TESMIN: variants seen among roughly 807,000 people sequenced by gnomAD.
TESMIN encodes testis expressed metallothionein like protein.
In TESMIN, 34 loss-of-function variants were observed where a neutral mutation model predicts 47.4. The observed-to-expected ratio is 0.72, with a 90% CI of 0.55 to 0.96. The LOEUF (loss-of-function observed/expected upper bound fraction) is 0.96. Ranked by LOEUF, TESMIN falls within the 40% of genes least tolerant of loss-of-function variation. TESMIN has a pLI of 0.00. For missense variants in TESMIN, 610 were observed against 637.2 expected, an observed-to-expected ratio of 0.96 and a Z score of 0.46; for synonymous variants, 278 against 258.9, an observed-to-expected ratio of 1.07 and a Z score of -0.71.
chr11:68,750,506 G>C lies in TESMIN; in HGVS notation c.155C>G (p.Ala52Gly), dbSNP rs759397722. The change falls in exon 2 of 10, where the codon GCG becomes GGG. Residue 52 changes from alanine to glycine, a missense_variant. Transcript: ENST00000255087. ...EEDEFHVFKE[A>G]YLGPADPKEP... ...CTTGGGGTCCGCCGGGCCCAGGTACGCTTCTTTGAAGACGTGGAACTCGTC... is the reference window on the plus strand; with the variant it reads ...CTTGGGGTCCGCCGGGCCCAGGTACCCTTCTTTGAAGACGTGGAACTCGTC... 9 of 1,603,722 alleles carry C rather than the reference G, an allele frequency of 5.6e-6. No homozygotes were observed. In the East Asian group the frequency reaches 2.0e-4, roughly 36 times the overall value.
intron 7 of TESMIN, 80 bp from the exon 8 acceptor site, chr11:68,713,487 C>CT: frequency 6.6e-7 from 1 of 1,511,828 alleles, no homozygotes; most frequent in Non-Finnish European, 9.1e-7. Context: ...TCATTTGAAT[C>CT]TGATTGTTGT....
At position 68,712,772 on chromosome 11, in the gene TESMIN, G is replaced by T. The variant is rs560675638; in HGVS notation, c.1158+498C>A. On this transcript the variant is annotated intron_variant, in intron 8 of 9. Transcript: ENST00000255087. ...ATTCTGGTCTCTGATGGGGCTGTGA[G>T]CCAGGGAGGAGCTACCCTTGGTCAA... 2.6e-5 allele frequency among the ~76,000 whole-genome samples: 4 copies of T among 152,362 alleles called. No homozygotes were observed. The South Asian group carries it at 8.3e-4, about 32-fold the overall frequency.
At chr11:68,747,175 G>A (rs1426729942) in intron 3 of TESMIN, 33 bp downstream of exon 3, 1 of 1,600,148 alleles carries the variant, frequency 6.2e-7, no homozygotes, top group Admixed American at 1.7e-5. Flanking sequence ...TTAGTATAAT[G>A]TTAGTCCTAC....
intron 6 of TESMIN, among the ~76,000 whole-genome samples, chr11:68,728,635 G>A (rs1946292443): frequency 6.6e-6 from 1 of 152,250 alleles, no homozygotes; most frequent in Non-Finnish European, 1.5e-5. Flanking sequence ...TGCAGCTAGA[G>A]AAGAGAAGTC....
intron 6 of TESMIN, among the ~76,000 whole-genome samples, chr11:68,716,250 G>A (rs1380103528): frequency 7.2e-5 from 11 of 152,164 alleles, no homozygotes; most frequent in Admixed American, 2.0e-4. Context: ...ATTGCCCTCC[G>A]CCATTTTCCC....
chr11:68,716,484 C>T (rs889150134), intron 6 of TESMIN, among the ~76,000 whole-genome samples: 3 of 152,202 alleles, frequency 2.0e-5, no homozygotes, highest in African/African-American at 4.8e-5. Flanking sequence ...ATGGATGAGG[C>T]GGCTGCAGTC....
At chr11:68,720,737 A>T (rs1946195091) in intron 6 of TESMIN, among the ~76,000 whole-genome samples, 1 of 152,086 alleles carries the variant, frequency 6.6e-6, no homozygotes, top group African/African-American at 2.4e-5. Flanking sequence ...CCCACATCCA[A>T]GGGTTGCCAA....
chr11:68,713,529 C>T, intron 7 of TESMIN, 122 bp from the exon 8 acceptor site: 1 of 1,154,958 alleles, frequency 8.7e-7, no homozygotes, highest in Non-Finnish European at 1.2e-6. Context: ...AGTCTCTTGA[C>T]ATGGTTCAGA....
chr11:68,716,058 T>C (rs1169797940), intron 6 of TESMIN, 119 bp from the exon 7 acceptor site: 4 of 649,966 alleles, frequency 6.2e-6, no homozygotes, highest in African/African-American at 1.8e-5. Flanking sequence ...CACTGAACAC[T>C]TTCATAGACG....
Position 68,750,640 on chromosome 11 carries a change from C to A in TESMIN, c.21G>T (p.Pro7=), listed in dbSNP as rs758718181. MEEGPL[P]GGLPSPEDAM... is the part of the protein sequence containing the mutation. ...CATCCTCGGGGCTGGGCAGCCCGCC[C>A]GGCAGAGGGCCCTCCTCCATGGCGC... The change falls in exon 2 of 10, where the codon CCG becomes CCT. Residue 7 remains proline (P), a synonymous_variant. Coordinates refer to ENST00000255087, the MANE Select transcript of TESMIN (RefSeq NM_004923.3). 1 of 1,562,696 alleles carries A rather than the reference C, an allele frequency of 6.4e-7. No homozygotes were observed. The highest frequency in any genetic ancestry group is 1.8e-5 in the Admixed American group (1 of 55,784).
intron 7 of TESMIN, among the ~76,000 whole-genome samples, chr11:68,714,900 C>G (rs1452289315): frequency 1.3e-5 from 2 of 152,176 alleles, no homozygotes; most frequent in Non-Finnish European, 2.9e-5. Context: ...AATTCCAACC[C>G]TTTTTGTTTT....
intron 6 of TESMIN, among the ~76,000 whole-genome samples, chr11:68,717,853 C>T (rs1173247183): frequency 2.0e-5 from 3 of 152,082 alleles, no homozygotes; most frequent in Non-Finnish European, 4.4e-5. Context: ...AACCATTGGG[C>T]GTGGGATATG....
intron 6 of TESMIN, chr11:68,736,893 T>C (rs934208593): frequency 1.0e-6 from 1 of 985,418 alleles, no homozygotes; most frequent in Non-Finnish European, 1.2e-6. Flanking sequence ...CTGAAAACGC[T>C]GTCATGACTG....
intron 6 of TESMIN, chr11:68,736,242 C>T (rs1185192618): frequency 7.1e-6 from 7 of 985,276 alleles, no homozygotes; most frequent in Non-Finnish European, 8.4e-6. Context: ...ATTATTAAAG[C>T]TACAGAGTGT....
intron 6 of TESMIN, chr11:68,738,349 C>T: frequency 9.8e-7 from 1 of 1,018,866 alleles, no homozygotes; most frequent in African/African-American, 1.7e-5. Context: ...CCATTATTTC[C>T]ACGGACGACA....
chr11:68,723,076 TAACA>T (rs1946221594), intron 6 of TESMIN, among the ~76,000 whole-genome samples: 1 of 152,126 alleles, frequency 6.6e-6, no homozygotes, highest in African/African-American at 2.4e-5. Flanking sequence ...TAACTGCCCC[TAACA>T]AATAGAGAAT....
rs1594300115 is a variant in TESMIN at position 68,740,766 on chromosome 11, A to G, written c.828+1552T>C. On this transcript the variant is annotated intron_variant, in intron 5 of 9. Coordinates refer to ENST00000255087, the MANE Select transcript of TESMIN (RefSeq NM_004923.3). Reference sequence around the variant, plus strand: ...ACTCACTTCCTTTGAGATCTCATCTATTCATATGGCTTTCAACGCCATCTA... The same window carrying G: ...ACTCACTTCCTTTGAGATCTCATCTGTTCATATGGCTTTCAACGCCATCTA... Among the ~76,000 whole-genome samples the G allele has an allele frequency of 4.6e-5, 7 of 152,306 alleles. 1 individual carries two copies. The highest frequency in any genetic ancestry group is 4.6e-4 in the Admixed American group (7 of 15,300).
Position 68,747,223 on chromosome 11 carries a change from TTTCTTAAGAG to T in TESMIN, c.605_614del (p.Ser202Ter), listed in dbSNP as rs1946532516. On this transcript the variant is annotated frameshift_variant, in exon 3 of 10. Transcript: ENST00000255087. LOFTEE classifies it high-confidence loss of function. ...GCATAATTACCATTGGGTTGGAATC[TTTCTTAAGAG>T]AACAGCAGGAGGCATCCTCTAGTTC... 6.2e-7 allele frequency: 1 copy of T among 1,614,058 alleles called. No individual in the cohort carries two copies. The highest frequency in any genetic ancestry group is 8.5e-7 in the Non-Finnish European group (1 of 1,179,998).
chr11:68,715,259 C>A (rs183991518), intron 7 of TESMIN, among the ~76,000 whole-genome samples: 2 of 152,202 alleles, frequency 1.3e-5, no homozygotes, highest in Non-Finnish European at 2.9e-5. Flanking sequence ...ATCTTTTGTG[C>A]CTAAAGAAAG....
Sources: gnomAD v4.1 joint callset for allele counts (sites outside exome capture counted in the v4.1 genomes callset) on GRCh38, gnomAD v4.1.1 for gene constraint, MANE v1.5 for transcripts, NCBI Gene and HGNC (gene_info 2026-07-23, HGNC 2026-07-21) for gene names.